ADH1A: variants seen among roughly 807,000 people sequenced by gnomAD.
The protein encoded by ADH1A is alcohol dehydrogenase 1A (class I), alpha polypeptide.
In ADH1A, 29 loss-of-function variants were observed where a neutral mutation model predicts 35.2. The ratio of observed to expected loss-of-function variants is 0.82; its 90% CI spans 0.61 to 1.12. The LOEUF (loss-of-function observed/expected upper bound fraction) is 1.12. Ranked by LOEUF, ADH1A falls within the 50% of genes most tolerant of loss-of-function variation. The pLI, the probability that ADH1A is intolerant of heterozygous loss-of-function variation, is 0.00. For missense variants in ADH1A, 469 were observed against 464.7 expected (o/e 1.01, Z -0.09); for synonymous variants, 147 against 164.8 (o/e 0.89, Z 0.83).
chr4:99,287,959 A>G (rs768232595), intron 1 of ADH1A, among the ~76,000 whole-genome samples: 1 of 152,184 alleles, frequency 6.6e-6, no homozygotes, highest in Non-Finnish European at 1.5e-5. Context: ...TAATCCTGAC[A>G]TTTCCTAATG....
chr4:99,277,311 T>C (rs1469364666), intron 8 of ADH1A, among the ~76,000 whole-genome samples: 2 of 152,092 alleles, frequency 1.3e-5, no homozygotes, highest in African/African-American at 2.4e-5. Context: ...ATAAAGTCGA[T>C]TTGTATTAAT....
At chr4:99,285,854 C>T (rs892690444) in intron 3 of ADH1A, among the ~76,000 whole-genome samples, 2 of 151,700 alleles carry the variant, frequency 1.3e-5, no homozygotes, top group Non-Finnish European at 2.9e-5. Context: ...AACCCTGTCT[C>T]TACTAAAAAC....
chr4:99,280,117 A>G, intron 7 of ADH1A, 27 bp downstream of exon 7: 1 of 1,613,628 alleles, frequency 6.2e-7, no homozygotes, highest in Non-Finnish European at 8.5e-7. Context: ...GTTAATGAGA[A>G]TTTGGCTCTG....
chr4:99,278,626 A>G lies in ADH1A; in HGVS notation c.1103+800T>C, dbSNP rs1169098859. On this transcript the variant is annotated intron_variant, in intron 8 of 8. Coordinates refer to ENST00000209668, the MANE Select transcript of ADH1A (RefSeq NM_000667.4). The stretch of plus-strand genomic sequence containing the variant: ...ATTTTGTGAGTGCCAAAGAAACACT[A>G]TTAAAAGTTGAAAATCTCGTGAAAA... The G allele has an allele frequency of 2.6e-5, 4 of 152,300 alleles. No homozygotes were observed. The South Asian group carries it at 6.2e-4, about 24-fold the overall frequency. 9.4% of individuals were successfully genotyped at this position (152,300 alleles called of 1,614,324 possible). A position where few individuals can be genotyped will look rare whatever the true frequency, so the allele number is the denominator to read the frequency against.
At chr4:99,288,060 T>C (rs1345878135) in intron 1 of ADH1A, among the ~76,000 whole-genome samples, 1 of 152,220 alleles carries the variant, frequency 6.6e-6, no homozygotes, top group Non-Finnish European at 1.5e-5. Context: ...CAGTGTCTGT[T>C]CACATAAAAT....
chr4:99,277,331 C>G (rs997048474), intron 8 of ADH1A, among the ~76,000 whole-genome samples: 1 of 152,032 alleles, frequency 6.6e-6, no homozygotes, highest in Admixed American at 6.6e-5. Context: ...TTCTAAGATA[C>G]TTCATTCTTG....
intron 1 of ADH1A, among the ~76,000 whole-genome samples, chr4:99,289,213 G>A (rs780046392): frequency 6.6e-5 from 10 of 151,944 alleles, no homozygotes; most frequent in Non-Finnish European, 1.5e-4. Context: ...TTATCTACTC[G>A]TTTGTCGATG....
chr4:99,286,960 T>A lies in ADH1A; in HGVS notation c.149A>T (p.Asp50Val). The change falls in exon 3 of 9, where the codon GAT becomes GTT. Residue 50 changes from aspartate (D) to valine (V), a missense_variant. Physicochemically the swap from Asp to Val is radical, Grantham distance 152 (BLOSUM62 -3). Coordinates refer to ENST00000209668, the MANE Select transcript of ADH1A (RefSeq NM_000667.4). ...KMVAVGICGT[D>V]DHVVSGTMVT... ...CATGGTACCACTAACCACGTGGTCA[T>A]CTGTGCCACAGATTCCTACAGCCAC... 6.2e-7 allele frequency: 1 copy of A among 1,614,200 alleles called. No homozygotes were observed. The highest frequency in any genetic ancestry group is 8.5e-7 in the Non-Finnish European group (1 of 1,180,014).
chr4:99,282,844 G>A (rs1248313098), intron 5 of ADH1A, among the ~76,000 whole-genome samples: 5 of 152,322 alleles, frequency 3.3e-5, no homozygotes, highest in Admixed American at 3.3e-4. Context: ...CACAGCCCAT[G>A]CCAATTAAAT....
At chr4:99,283,898 A>G (rs1733067702) in intron 5 of ADH1A, among the ~76,000 whole-genome samples, 1 of 152,208 alleles carries the variant, frequency 6.6e-6, no homozygotes. Flanking sequence ...CAGTCTAAGA[A>G]TCCACAGAGT....
rs770538980 is a variant in ADH1A at position 99,284,466 on chromosome 4, A to G, written c.500T>C (p.Leu167Pro). 6.2e-6 allele frequency: 10 copies of G among 1,614,036 alleles called. No individual in the cohort carries two copies. The highest frequency in any genetic ancestry group is 8.5e-6 in the Non-Finnish European group (10 of 1,180,006). The part of the protein sequence containing the change: ...AVAKIDAASP[L>P]EKVCLIGCGF... ...ACAGCCAATGAGACAGACTTTCTCT[A>G]GAGGCGAGGCTGCATCAATTTTGGC... Residue 167 changes from leucine to proline, a missense_variant, in exon 5 of 9, where the codon CTA becomes CCA. Transcript: ENST00000209668.
chr4:99,286,910 C>A lies in ADH1A; in HGVS notation c.199G>T (p.Gly67Cys). The A allele has an allele frequency of 6.2e-7, 1 of 1,614,176 alleles. No individual in the cohort carries two copies. The highest frequency in any genetic ancestry group is 1.1e-5 in the South Asian group (1 of 91,078). Residue 67 changes from glycine to cysteine, a missense_variant, in exon 3 of 9, where the codon GGC becomes TGC. Transcript: ENST00000209668. ...TCCACGATGCCGGCTGCCTCATGGC[C>A]TAAAATCACAGGAAGTGGGGTCACC... Reference protein sequence around the residue: ...TMVTPLPVILGHEAAGIVESV... With the variant: ...TMVTPLPVILCHEAAGIVESV...
chr4:99,282,649 T>C (rs1455834909), intron 5 of ADH1A, 43 bp from the exon 6 acceptor site: 1 of 1,595,542 alleles, frequency 6.3e-7, no homozygotes, highest in African/African-American at 1.3e-5. Flanking sequence ...AAAAACTTTA[T>C]AAAGTGCCAT....
Position 99,286,993 on chromosome 4 carries a change from A to G in ADH1A, c.121-5T>C, listed in dbSNP as rs1181372488. ...ACAGATTCCTACAGCCACCATCTAC[A>G]GAGTGAAGAGAAGATGTTTATAAAA... On this transcript the variant is annotated splice_polypyrimidine_tract_variant and splice_region_variant and intron_variant, in intron 2 of 8. Transcript: ENST00000209668. 6.2e-7 allele frequency: 1 copy of G among 1,610,190 alleles called. No individual in the cohort carries two copies. The highest frequency in any genetic ancestry group is 1.1e-5 in the South Asian group (1 of 90,284).
At chr4:99,278,971 CA>C (rs1732930748) in intron 8 of ADH1A, among the ~76,000 whole-genome samples, 6 of 151,888 alleles carry the variant, frequency 4.0e-5, no homozygotes, top group Admixed American at 3.9e-4. Context: ...ACTTAGAAAA[CA>C]AACTAAATAT....
At chr4:99,288,536 C>G (rs1449366729) in intron 1 of ADH1A, 3 of 152,148 alleles carry the variant, frequency 2.0e-5, no homozygotes, top group Admixed American at 1.3e-4. Flanking sequence ...TGTGGTTAAG[C>G]ATGTACAATT....
chr4:99,282,161 G>A, intron 6 of ADH1A, 185 bp downstream of exon 6: 4 of 1,143,434 alleles, frequency 3.5e-6, no homozygotes, highest in Non-Finnish European at 5.0e-6. Context: ...AGACACGTTT[G>A]CATAGTTGAT....
chr4:99,282,837 A>T (rs1026844501), intron 5 of ADH1A, among the ~76,000 whole-genome samples: 6 of 152,224 alleles, frequency 3.9e-5, no homozygotes, highest in African/African-American at 1.4e-4. Context: ...TCCAGGTCAC[A>T]GCCCATGCCA....
chr4:99,287,599 C>G lies in ADH1A; in HGVS notation c.85G>C (p.Val29Leu), dbSNP rs1733186508. 2 of 1,613,690 alleles carry G rather than the reference C, an allele frequency of 1.2e-6. No individual in the cohort carries two copies. The highest frequency in any genetic ancestry group is 2.7e-5 in the African/African-American group (2 of 74,864). ...KKPFSIEEVE[V>L]APPKAHEVRI... ...ACTTCATGGGCCTTAGGAGGTGCAA[C>G]CTCCACCTCCTCAATGGAAAAGGGT... is the stretch of plus-strand genomic sequence containing the variant. The change falls in exon 2 of 9, where the codon GTT becomes CTT. Residue 29 changes from valine (V) to leucine (L), a missense_variant. By Grantham distance (32) the Val-to-Leu change is conservative. Transcript: ENST00000209668.
Sources: gnomAD v4.1 joint callset for allele counts (sites outside exome capture counted in the v4.1 genomes callset) on GRCh38, gnomAD v4.1.1 for gene constraint, MANE v1.5 for transcripts, NCBI Gene and HGNC (gene_info 2026-07-23, HGNC 2026-07-21) for gene names.